The following RIMBP2 variants were observed in gnomAD, a reference collection of about 807,000 sequenced individuals.
RIMBP2 encodes RIMS-binding protein 2.
RIMBP2 carries 48 observed loss-of-function variants against 118.6 expected under a neutral mutation model. The observed-to-expected ratio is 0.40, with a 90% CI of 0.32 to 0.51. The LOEUF is 0.51. Ranked by LOEUF, RIMBP2 falls within the 20% of genes least tolerant of loss-of-function variation. The probability of loss-of-function intolerance (pLI) is 0.41; values close to 1 mark genes in which losing one functional copy is unlikely to be tolerated. For synonymous variants in RIMBP2, 762 were observed against 742.9 expected (o/e 1.03, Z -0.42); for missense variants, 1,551 against 1,768.3 (o/e 0.88, Z 2.20).
intron 1 of RIMBP2, among the ~76,000 whole-genome samples, chr12:130,665,684 A>G (rs984497027): frequency 6.7e-6 from 1 of 148,178 alleles, no homozygotes; most frequent in African/African-American, 2.7e-5. Context: ...TTACAGGTTA[A>G]AGGGGATTAA....
At chr12:130,441,437 TAATAATAATA>T (rs2078126885) in intron 11 of RIMBP2, among the ~76,000 whole-genome samples, 1 of 144,618 alleles carries the variant, frequency 6.9e-6, no homozygotes, top group African/African-American at 2.6e-5. Context: ...ATAATAATAA[TAATAATAATA>T]ATTTACAAGG....
chr12:130,421,779 A>G (rs1216278602), intron 17 of RIMBP2, among the ~76,000 whole-genome samples: 1 of 151,900 alleles, frequency 6.6e-6, no homozygotes, highest in Non-Finnish European at 1.5e-5. Flanking sequence ...TATCTTGTGC[A>G]TAATACTTTT....
At chr12:130,641,564 T>A (rs2062624987) in intron 1 of RIMBP2, among the ~76,000 whole-genome samples, 1 of 152,224 alleles carries the variant, frequency 6.6e-6, no homozygotes, top group Admixed American at 6.5e-5. Flanking sequence ...TTCTGCATCA[T>A]AACTGCCGCC....
rs2074167869 is a variant in RIMBP2, at chr12:130,397,691, A to G, written c.3901-142T>C. The G allele has an allele frequency of 7.6e-6, 3 of 394,442 alleles. No homozygotes were observed. The Admixed American group carries it at 1.3e-4, about 17-fold the overall frequency. The allele number at this position is 394,442 out of a possible 1,614,324, so 24.4% of individuals were successfully genotyped here. ...CTTTCAGTTGTTGAAGTATGCCATGAGAAGCAAAGGTCCTCTCCCACAGCA... is the reference window on the plus strand; with the variant it reads ...CTTTCAGTTGTTGAAGTATGCCATGGGAAGCAAAGGTCCTCTCCCACAGCA... On this transcript the variant is annotated intron_variant, in intron 22 of 22. Coordinates refer to ENST00000690449, the MANE Select transcript of RIMBP2 (RefSeq NM_001393629.1).
rs1053088159 is a variant in RIMBP2 at position 130,617,765 on chromosome 12, G to C, written c.-217+10557C>G. The stretch of plus-strand genomic sequence containing the variant: ...GAATTCACAGAATGCACGCAAATTA[G>C]ATTATTCTGGTAGAACAGGAATCAC... On this transcript the variant is annotated intron_variant, in intron 2 of 22. Transcript: ENST00000690449. The surrounding 1 kb of genome is among the most constrained non-coding windows in gnomAD (Gnocchi z 4.6). Among the ~76,000 whole-genome samples, 5 of 152,170 alleles carry C rather than the reference G, an allele frequency of 3.3e-5. No individual in the cohort carries two copies. The highest frequency in any genetic ancestry group is 1.2e-4 in the African/African-American group (5 of 41,444).
At chr12:130,452,370 G>A (rs1446832724) in intron 7 of RIMBP2, among the ~76,000 whole-genome samples, 4 of 152,192 alleles carry the variant, frequency 2.6e-5, no homozygotes, top group African/African-American at 4.8e-5. Flanking sequence ...GCAGGACAGC[G>A]CCACCATGGC....
chr12:130,501,860 G>A (rs183755839), intron 4 of RIMBP2, among the ~76,000 whole-genome samples: 1 of 152,252 alleles, frequency 6.6e-6, no homozygotes, highest in East Asian at 1.9e-4. Context: ...CCTGATTTGG[G>A]GGCTCCCTGC....
chr12:130,588,560 C>A (rs1214581757), intron 2 of RIMBP2, among the ~76,000 whole-genome samples: 1 of 152,186 alleles, frequency 6.6e-6, no homozygotes, highest in Non-Finnish European at 1.5e-5. Flanking sequence ...AAGGGAGACA[C>A]GCTGTTGGAG....
At chr12:130,439,484 T>TATTTTACTATTTA (rs2077869081) in intron 11 of RIMBP2, among the ~76,000 whole-genome samples, 1 of 147,888 alleles carries the variant, frequency 6.8e-6, no homozygotes. Flanking sequence ...TGTATGTGTG[T>TATTTTACTATTTA]GTATGTGTGT....
rs145909804 is a variant in RIMBP2 at position 130,560,458 on chromosome 12, A to AC, written c.-216-42542dup. Among the ~76,000 whole-genome samples the AC allele has an allele frequency of 5.8e-3, 877 of 151,204 alleles. 11 individuals are homozygous for AC. The highest frequency in any genetic ancestry group is 0.02 in the African/African-American group (839 of 41,110). ...GCCTCCACCCACTGGATGCCACTAG[A>AC]CCCCCCACCGGTAGTGACCACCCAA... On this transcript the variant is annotated intron_variant, in intron 2 of 22. Coordinates refer to ENST00000690449, the MANE Select transcript of RIMBP2 (RefSeq NM_001393629.1).
intron 5 of RIMBP2, among the ~76,000 whole-genome samples, chr12:130,474,512 G>A (rs2081271687): frequency 6.6e-6 from 1 of 152,226 alleles, no homozygotes; most frequent in Admixed American, 6.5e-5. Context: ...GTGGAGGTGG[G>A]CAGTCGGCAA....
rs150095718 is a variant in RIMBP2 at position 130,682,133 on chromosome 12, G to C, written c.-352+34089C>G. Reference sequence around the variant, plus strand: ...GGGACACCCTCCCAGCCCTTGTCCCGTATCCCGGTGAGGGGATGTGACCCA... The same window carrying C: ...GGGACACCCTCCCAGCCCTTGTCCCCTATCCCGGTGAGGGGATGTGACCCA... On this transcript the variant is annotated intron_variant, in intron 1 of 22. Coordinates refer to ENST00000690449, the MANE Select transcript of RIMBP2 (RefSeq NM_001393629.1). Among the ~76,000 whole-genome samples, 783 of 152,296 alleles carry C rather than the reference G, an allele frequency of 5.1e-3. 4 individuals carry two copies. The highest frequency in any genetic ancestry group is 0.017 in the African/African-American group (716 of 41,556).
intron 1 of RIMBP2, among the ~76,000 whole-genome samples, chr12:130,667,055 GAAAAGGAAGAAGGGAGGGAGGAAAAAA>G (rs2063959634): frequency 6.1e-5 from 7 of 115,322 alleles, no homozygotes; most frequent in Admixed American, 8.7e-5. Context: ...GAGGGAGGGA[GAAAAGGAAGAAGGGAGGGAGGAAAAAA>G]TGAGGGAGGG....
chr12:130,618,165 G>A (rs1308740641), intron 2 of RIMBP2, among the ~76,000 whole-genome samples: 1 of 151,990 alleles, frequency 6.6e-6, no homozygotes, highest in Admixed American at 6.6e-5. Flanking sequence ...CCGTAACTAT[G>A]CGTCAATGCC....
Position 130,450,183 on chromosome 12 carries a change from C to T in RIMBP2, c.581+17G>A, listed in dbSNP as rs201512099. 6.3e-6 allele frequency: 10 copies of T among 1,582,600 alleles called. No individual in the cohort carries two copies. In the Admixed American group the frequency reaches 1.0e-4, roughly 16 times the overall value. ...CCACTCACAGGGGCTCGGTGGACGCCGAGGGGCCGCACTTACCTATAGCGG... is the reference window on the plus strand; with the variant it reads ...CCACTCACAGGGGCTCGGTGGACGCTGAGGGGCCGCACTTACCTATAGCGG... On this transcript the variant is annotated intron_variant, in intron 9 of 22. Coordinates refer to ENST00000690449, the MANE Select transcript of RIMBP2 (RefSeq NM_001393629.1). This position sits in a 1 kb window ranked among gnomAD's most constrained non-coding sequence, Gnocchi z 4.8.
At chr12:130,524,974 C>T (rs565847499) in intron 2 of RIMBP2, among the ~76,000 whole-genome samples, 12 of 152,248 alleles carry the variant, frequency 7.9e-5, no homozygotes, top group South Asian at 2.1e-4. Context: ...ACGTGAGGCC[C>T]GGTGGGAATG....
At chr12:130,625,355 G>A (rs12228021) in intron 2 of RIMBP2, among the ~76,000 whole-genome samples, 86,647 of 151,992 alleles carry the variant, frequency 0.57, 26,580 homozygotes, top group Admixed American at 0.67. Flanking sequence ...CGACAGAGCC[G>A]TTGAGAATGG....
chr12:130,547,656 G>T (rs533377561), intron 2 of RIMBP2, among the ~76,000 whole-genome samples: 57 of 152,312 alleles, frequency 3.7e-4, no homozygotes, highest in African/African-American at 1.3e-3. Flanking sequence ...ACTCTGTCAC[G>T]TCAGCCCCGA....
chr12:130,428,009 G>T, intron 15 of RIMBP2, 170 bp downstream of exon 15: 1 of 611,756 alleles, frequency 1.6e-6, no homozygotes. Context: ...AGGAGTGTAG[G>T]TAATTCCCAA....
Sources: gnomAD v4.1 joint callset for allele counts (sites outside exome capture counted in the v4.1 genomes callset) on GRCh38, gnomAD v4.1.1 for gene constraint, Gnocchi (gnomAD v3.1) non-coding constraint, MANE v1.5 for transcripts, NCBI Gene and HGNC (gene_info 2026-07-23, HGNC 2026-07-21) for gene names.